The following PRLR variants were observed in gnomAD, a reference collection of about 807,000 sequenced individuals.
PRLR encodes hPRL receptor.
In PRLR, 13 loss-of-function variants were observed where a neutral mutation model predicts 40.2. The ratio of observed to expected loss-of-function variants is 0.32; its 90% CI spans 0.21 to 0.51. The LOEUF (loss-of-function observed/expected upper bound fraction) is 0.51, where lower values mean the gene tolerates loss of function less well. Ranked by LOEUF, PRLR falls within the 20% of genes least tolerant of loss-of-function variation. PRLR has a pLI of 0.97. For synonymous variants in PRLR, 269 were observed against 278.7 expected (o/e 0.97, Z 0.35); for missense variants, 656 against 747.3 (o/e 0.88, Z 1.42).
intron 1 of PRLR, chr5:35,135,583 C>G (rs78290570): frequency 9.8e-5 from 15 of 152,622 alleles, no homozygotes; most frequent in Non-Finnish European, 1.3e-4. Context: ...TTCTGCAAAA[C>G]CTCCTCTTAG....
chr5:35,055,795 T>C lies in PRLR; in HGVS notation c.*9294A>G, dbSNP rs977730131. On this transcript the variant is annotated 3_prime_UTR_variant, in exon 10 of 10. Coordinates refer to ENST00000618457, the MANE Select transcript of PRLR (RefSeq NM_000949.7). ...TGAAAAGGGACTGAAAAATGCATCA[T>C]AAAGTTACATAGTTCAGCAACAATA... The C allele has an allele frequency of 1.1e-4, 17 of 152,202 alleles. No individual in the cohort carries two copies. Among genetic ancestry groups the C allele is most frequent in the Non-Finnish European group, 2.9e-5 (2 of 68,032 alleles). The allele number at this position is 152,202 out of a possible 1,614,324, so 9.4% of individuals were successfully genotyped here.
chr5:35,211,503 A>C (rs1437853185), intron 1 of PRLR, among the ~76,000 whole-genome samples: 5 of 152,230 alleles, frequency 3.3e-5, no homozygotes, highest in African/African-American at 1.2e-4. Context: ...CTATAACAGA[A>C]TATGGTTAAT....
At chr5:35,211,275 T>C (rs1251953329) in intron 1 of PRLR, among the ~76,000 whole-genome samples, 2 of 152,166 alleles carry the variant, frequency 1.3e-5, no homozygotes, top group Non-Finnish European at 2.9e-5. Context: ...CTTTGTTTAT[T>C]CCTTGCTATA....
intron 2 of PRLR, among the ~76,000 whole-genome samples, chr5:35,105,621 G>C (rs1227281048): frequency 6.6e-6 from 1 of 152,142 alleles, no homozygotes; most frequent in Non-Finnish European, 1.5e-5. Context: ...GTGGAAGAAA[G>C]GGTATCAGTG....
chr5:35,206,936 A>T (rs1407508278), intron 1 of PRLR, among the ~76,000 whole-genome samples: 1 of 152,122 alleles, frequency 6.6e-6, no homozygotes, highest in Non-Finnish European at 1.5e-5. Flanking sequence ...TACATTTTAG[A>T]AATACTGGGT....
At chr5:35,083,186 T>C (rs1408471871) in intron 5 of PRLR, among the ~76,000 whole-genome samples, 1 of 152,054 alleles carries the variant, frequency 6.6e-6, no homozygotes, top group Non-Finnish European at 1.5e-5. Context: ...AGACTGTGAA[T>C]GGCCCCTCAG....
At position 35,061,072 on chromosome 5, in the gene PRLR, C is replaced by T. The variant is rs958008536; in HGVS notation, c.*4017G>A. On this transcript the variant is annotated 3_prime_UTR_variant, in exon 10 of 10. Transcript: ENST00000618457. ...TGGCCCTTAGACCATTTTGTTGTGC[C>T]CTTTCTGGCTTCTTCTCATCTCTCC... 2.0e-5 allele frequency: 3 copies of T among 151,968 alleles called. No homozygotes were observed. The highest frequency in any genetic ancestry group is 4.4e-5 in the Non-Finnish European group (3 of 68,024). 9.4% of individuals were successfully genotyped at this position (151,968 alleles called of 1,614,324 possible). A position where few individuals can be genotyped will look rare whatever the true frequency, so the allele number is the denominator to read the frequency against.
At chr5:35,174,263 G>A (rs1027272348) in intron 1 of PRLR, among the ~76,000 whole-genome samples, 2 of 152,042 alleles carry the variant, frequency 1.3e-5, no homozygotes, top group Admixed American at 6.5e-5. Flanking sequence ...CTAATTTTTT[G>A]TATTTTAGTG....
intron 1 of PRLR, among the ~76,000 whole-genome samples, chr5:35,173,284 G>A (rs151090303): frequency 0.011 from 1,637 of 152,290 alleles, 19 homozygotes; most frequent in Admixed American, 0.016. Flanking sequence ...TTTTACAAGA[G>A]CCTCTTACAA....
At chr5:35,106,969 G>A (rs1010215585) in intron 2 of PRLR, among the ~76,000 whole-genome samples, 11 of 152,056 alleles carry the variant, frequency 7.2e-5, no homozygotes, top group South Asian at 6.2e-4. Context: ...TGACCACATA[G>A]TTGGAAGTAA....
Position 35,061,056 on chromosome 5 carries a change from G to C in PRLR, c.*4033C>G, listed in dbSNP as rs1032385611. ...ACTGAACATTGCTGGTTGGCCCTTA[G>C]ACCATTTTGTTGTGCCCTTTCTGGC... is the stretch of plus-strand genomic sequence containing the variant. On this transcript the variant is annotated 3_prime_UTR_variant, in exon 10 of 10. Coordinates refer to ENST00000618457, the MANE Select transcript of PRLR (RefSeq NM_000949.7). The C allele has an allele frequency of 6.6e-6, 1 of 152,098 alleles. No individual in the cohort carries two copies. The highest frequency in any genetic ancestry group is 2.4e-5 in the African/African-American group (1 of 41,394). The allele number at this position is 152,098 out of a possible 1,614,324, so 9.4% of individuals were successfully genotyped here. A position where few individuals can be genotyped will look rare whatever the true frequency, so the allele number is the denominator to read the frequency against.
intron 1 of PRLR, among the ~76,000 whole-genome samples, chr5:35,126,690 A>T (rs1329302021): frequency 6.6e-6 from 1 of 152,142 alleles, no homozygotes; most frequent in African/African-American, 2.4e-5. Context: ...TTCACCTGTA[A>T]AGTGGAAATA....
chr5:35,049,017 T>G, exon 9 of PRLR: 2 of 508,430 alleles, frequency 3.9e-6, no homozygotes, highest in Non-Finnish European at 7.5e-6. Flanking sequence ...CAAATGCCCA[T>G]AGGAGGTGAA....
At chr5:35,214,805 C>T (rs576293550) in intron 1 of PRLR, among the ~76,000 whole-genome samples, 1 of 152,218 alleles carries the variant, frequency 6.6e-6, no homozygotes, top group Admixed American at 6.5e-5. Context: ...TATAGTTTAA[C>T]TTCAGAACTA....
chr5:35,229,831 C>G (rs1342172188), intron 1 of PRLR, among the ~76,000 whole-genome samples: 4 of 152,134 alleles, frequency 2.6e-5, no homozygotes, highest in Admixed American at 2.6e-4. Context: ...CACCTGTCTG[C>G]GCCCCTTCCC....
intron 2 of PRLR, among the ~76,000 whole-genome samples, chr5:35,090,647 T>C (rs552532329): frequency 6.6e-6 from 1 of 152,138 alleles, no homozygotes; most frequent in Admixed American, 6.6e-5. Context: ...AAGCTGCCGA[T>C]CTTGGGACAT....
chr5:35,071,899 C>CT (rs560918362), intron 6 of PRLR, among the ~76,000 whole-genome samples: 4,489 of 143,830 alleles, frequency 0.031, 237 homozygotes, highest in African/African-American at 0.1. Flanking sequence ...TGAGCCCAGC[C>CT]TTTTTTTTTT....
chr5:35,157,975 T>A (rs1774559114), intron 1 of PRLR, among the ~76,000 whole-genome samples: 2 of 152,226 alleles, frequency 1.3e-5, no homozygotes, highest in Non-Finnish European at 1.5e-5. Flanking sequence ...GCTCCCTCTA[T>A]AAGCCAAATT....
At chr5:35,219,851 T>C (rs140467629) in intron 1 of PRLR, among the ~76,000 whole-genome samples, 210 of 152,354 alleles carry the variant, frequency 1.4e-3, no homozygotes, top group African/African-American at 4.7e-3. Context: ...GATATTATTC[T>C]GTTTTAGTTC....
Sources: allele counts gnomAD v4.1 joint callset (sites outside exome capture counted in the v4.1 genomes callset), GRCh38; gene constraint gnomAD v4.1.1; transcripts MANE v1.5; gene names NCBI Gene and HGNC (gene_info 2026-07-23, HGNC 2026-07-21).